STT3B: variants seen among roughly 807,000 people sequenced by gnomAD.
STT3B encodes STT3 oligosaccharyltransferase complex catalytic subunit B.
A neutral mutation model predicts 96.8 loss-of-function variants in STT3B; 29 were observed. The ratio of observed to expected loss-of-function variants is 0.30; its 90% CI spans 0.22 to 0.41. STT3B has a LOEUF of 0.41. Ranked by LOEUF, STT3B falls within the 10% of genes least tolerant of loss-of-function variation. The pLI, the probability that STT3B is intolerant of heterozygous loss-of-function variation, is 1.00. For missense variants in STT3B, 640 were observed against 1,022.3 expected (o/e 0.63, Z 5.10); for synonymous variants, 367 against 360.0 (o/e 1.02, Z -0.22).
rs376147727 is a variant in STT3B at position 31,624,884 on chromosome 3, C to T, written c.1728-30C>T. On this transcript the variant is annotated intron_variant, in intron 11 of 15. Coordinates refer to ENST00000295770, the MANE Select transcript of STT3B (RefSeq NM_178862.3). The stretch of plus-strand genomic sequence containing the variant: ...TAGCCTCTTCACATTTGTGACATCT[C>T]ATTTAAAAGAGTATTGTGATTCTTT... 2.6e-6 allele frequency: 4 copies of T among 1,565,616 alleles called. 1 individual carries two copies. Among genetic ancestry groups the T allele is most frequent in the Admixed American group, 3.4e-5 (2 of 58,128 alleles).
chr3:31,583,823 C>A (rs1245584819), intron 3 of STT3B, among the ~76,000 whole-genome samples: 3 of 151,774 alleles, frequency 2.0e-5, no homozygotes, highest in East Asian at 3.9e-4. Context: ...TTAGTGGATT[C>A]TTTTGGTAGT....
At chr3:31,558,775 C>T (rs1340122044) in intron 1 of STT3B, among the ~76,000 whole-genome samples, 1 of 151,804 alleles carries the variant, frequency 6.6e-6, no homozygotes, top group South Asian at 2.1e-4. Flanking sequence ...TAAAATTTGA[C>T]AGTGAAGCCA....
intron 1 of STT3B, among the ~76,000 whole-genome samples, chr3:31,547,557 A>G (rs1190661743): frequency 1.3e-5 from 2 of 152,054 alleles, no homozygotes; most frequent in Non-Finnish European, 2.9e-5. Flanking sequence ...GAGTCACAAT[A>G]ATTGCATGAA....
intron 14 of STT3B, among the ~76,000 whole-genome samples, chr3:31,630,084 G>A (rs1046881412): frequency 3.9e-5 from 6 of 152,066 alleles, no homozygotes; most frequent in African/African-American, 1.4e-4. Context: ...TAAATAATGG[G>A]GCTTGGATTG....
intron 1 of STT3B, among the ~76,000 whole-genome samples, chr3:31,557,873 G>A (rs1173531743): frequency 6.6e-6 from 1 of 152,088 alleles, no homozygotes; most frequent in African/African-American, 2.4e-5. Context: ...CTCGTGATCC[G>A]CCCGCCTCAG....
intron 13 of STT3B, among the ~76,000 whole-genome samples, chr3:31,628,144 T>G (rs1269303231): frequency 2.8e-5 from 4 of 142,688 alleles, no homozygotes; most frequent in Non-Finnish European, 6.0e-5. Context: ...TAGATCGATG[T>G]AGCCATTTCA....
intron 1 of STT3B, among the ~76,000 whole-genome samples, chr3:31,571,035 A>C (rs1698123902): frequency 6.6e-6 from 1 of 152,208 alleles, no homozygotes; most frequent in African/African-American, 2.4e-5. Context: ...ACTGAAGCCC[A>C]AGGTCAAAGC....
Position 31,532,925 on chromosome 3 carries a change from G to T in STT3B, c.-74G>T. ...CTTCCTCCTCCTCCTCCTCCTCCGG[G>T]TCCCCGCCCAGCACCCCTCGCACCA... On this transcript the variant is annotated 5_prime_UTR_variant, in exon 1 of 16. Transcript: ENST00000295770. The T allele has an allele frequency of 6.8e-7, 1 of 1,475,282 alleles. No individual in the cohort carries two copies. Among genetic ancestry groups the T allele is most frequent in the Non-Finnish European group, 9.0e-7 (1 of 1,115,668 alleles). 91.4% of individuals were successfully genotyped at this position (1,475,282 alleles called of 1,614,324 possible). A position where few individuals can be genotyped will look rare whatever the true frequency, so the allele number is the denominator to read the frequency against.
intron 2 of STT3B, among the ~76,000 whole-genome samples, chr3:31,579,087 T>A (rs1698322539): frequency 6.6e-6 from 1 of 152,118 alleles, no homozygotes; most frequent in South Asian, 2.1e-4. Context: ...CTTGAATCCT[T>A]TTAATATTTG....
At chr3:31,536,316 G>C (rs887808167) in intron 1 of STT3B, among the ~76,000 whole-genome samples, 4 of 152,150 alleles carry the variant, frequency 2.6e-5, no homozygotes, top group Non-Finnish European at 5.9e-5. Context: ...TAGTTTGGGA[G>C]TTGCTCAGAT....
intron 1 of STT3B, among the ~76,000 whole-genome samples, chr3:31,547,849 A>G (rs1697454146): frequency 6.6e-6 from 1 of 152,202 alleles, no homozygotes; most frequent in Admixed American, 6.5e-5. Context: ...CTGATCCTTA[A>G]AATTCTATGT....
chr3:31,572,613 A>G (rs1172768091), intron 1 of STT3B, among the ~76,000 whole-genome samples: 2 of 152,204 alleles, frequency 1.3e-5, no homozygotes, highest in Non-Finnish European at 1.5e-5. Context: ...AGTAATCCCA[A>G]CACTTTGAGA....
intron 8 of STT3B, among the ~76,000 whole-genome samples, chr3:31,618,516 G>A (rs1032200893): frequency 6.6e-6 from 1 of 151,368 alleles, no homozygotes; most frequent in African/African-American, 2.4e-5. Flanking sequence ...AATTAGACTA[G>A]TTCAATAAAA....
At chr3:31,560,328 T>A (rs1400043664) in intron 1 of STT3B, among the ~76,000 whole-genome samples, 1 of 152,032 alleles carries the variant, frequency 6.6e-6, no homozygotes, top group African/African-American at 2.4e-5. Flanking sequence ...GTCTTTTCTT[T>A]GTGTGTGTGT....
At chr3:31,536,843 A>G (rs1697112046) in intron 1 of STT3B, among the ~76,000 whole-genome samples, 1 of 152,262 alleles carries the variant, frequency 6.6e-6, no homozygotes, top group African/African-American at 2.4e-5. Flanking sequence ...GCACTTAACT[A>G]TACCTTTTTA....
chr3:31,633,223 C>CA (rs1170627123), intron 15 of STT3B, 76 bp downstream of exon 15: 22 of 1,277,230 alleles, frequency 1.7e-5, no homozygotes, highest in Non-Finnish European at 2.4e-5. Flanking sequence ...CTGGAAATTG[C>CA]AATAAATTTC....
intron 4 of STT3B, among the ~76,000 whole-genome samples, chr3:31,597,743 G>A (rs1575433131): frequency 1.3e-5 from 2 of 152,062 alleles, no homozygotes; most frequent in Admixed American, 6.5e-5. Flanking sequence ...ATAGGCAAGA[G>A]CTGCCGTGCC....
intron 3 of STT3B, among the ~76,000 whole-genome samples, chr3:31,585,456 T>C (rs1329576237): frequency 6.6e-6 from 1 of 152,096 alleles, no homozygotes. Context: ...TGAGTACATG[T>C]TTGTTATTAT....
chr3:31,565,440 AT>A (rs1231553613), intron 1 of STT3B, among the ~76,000 whole-genome samples: 1 of 152,166 alleles, frequency 6.6e-6, no homozygotes, highest in Non-Finnish European at 1.5e-5. Flanking sequence ...GTTGTTGTAC[AT>A]TTTTTTGATA....
Sources: gnomAD v4.1 joint callset for allele counts (sites outside exome capture counted in the v4.1 genomes callset) on GRCh38, gnomAD v4.1.1 for gene constraint, MANE v1.5 for transcripts, NCBI Gene and HGNC (gene_info 2026-07-23, HGNC 2026-07-21) for gene names.